SEMA6D: variants seen among roughly 807,000 people sequenced by gnomAD.
SEMA6D encodes the protein semaphorin 6D.
In SEMA6D, 35 loss-of-function variants were observed where a neutral mutation model predicts 106.6. That is an observed-to-expected ratio of 0.33 (90% CI 0.25 to 0.44). The LOEUF (loss-of-function observed/expected upper bound fraction) is 0.44, where lower values mean the gene tolerates loss of function less well. Ranked by LOEUF, SEMA6D falls within the 20% of genes least tolerant of loss-of-function variation. The pLI, the probability that SEMA6D is intolerant of heterozygous loss-of-function variation, is 1.00. For synonymous variants in SEMA6D, 499 were observed against 487.7 expected (o/e 1.02, Z -0.31); for missense variants, 1,185 against 1,345.9 (o/e 0.88, Z 1.87).
chr15:47,704,989 T>C (rs559631849), intron 4 of SEMA6D, among the ~76,000 whole-genome samples: 1 of 152,206 alleles, frequency 6.6e-6, no homozygotes, highest in Non-Finnish European at 1.5e-5. Context: ...AAAAATACAT[T>C]CACTTTTCTG....
chr15:47,595,975 C>A (rs1401773255), intron 3 of SEMA6D, among the ~76,000 whole-genome samples: 1 of 151,850 alleles, frequency 6.6e-6, no homozygotes, highest in Non-Finnish European at 1.5e-5. Flanking sequence ...AAATAAAAGG[C>A]ATCTAAGTAA....
At chr15:47,526,421 G>C (rs561351989) in intron 3 of SEMA6D, among the ~76,000 whole-genome samples, 5 of 152,174 alleles carry the variant, frequency 3.3e-5, no homozygotes, top group Non-Finnish European at 7.3e-5. Context: ...ATTGGTAAAA[G>C]GCTAGTTTTA....
intron 4 of SEMA6D, among the ~76,000 whole-genome samples, chr15:47,629,571 T>C (rs1038564799): frequency 1.3e-5 from 2 of 151,976 alleles, no homozygotes; most frequent in Admixed American, 1.3e-4. Context: ...CATTTTTACA[T>C]GTCAATATAA....
intron 1 of SEMA6D, among the ~76,000 whole-genome samples, chr15:47,366,323 C>T (rs1400469421): frequency 6.6e-6 from 1 of 152,150 alleles, no homozygotes; most frequent in African/African-American, 2.4e-5. Context: ...AAGGGTGGCA[C>T]CTTCTGGAGT....
At chr15:47,254,883 G>T (rs1309227071) in intron 1 of SEMA6D, among the ~76,000 whole-genome samples, 2 of 149,278 alleles carry the variant, frequency 1.3e-5, no homozygotes, top group African/African-American at 4.9e-5. Flanking sequence ...TTTTGTGTGT[G>T]TGTGTGTGTG....
intron 3 of SEMA6D, among the ~76,000 whole-genome samples, chr15:47,560,624 AAAAGT>A (rs566350015): frequency 6.6e-6 from 1 of 152,250 alleles, no homozygotes; most frequent in Non-Finnish European, 1.5e-5. Context: ...GAGGGGAAAA[AAAAGT>A]AAAGGGGGAA....
intron 3 of SEMA6D, among the ~76,000 whole-genome samples, chr15:47,575,164 TC>T (rs1358093270): frequency 7.9e-5 from 12 of 152,188 alleles, no homozygotes; most frequent in Non-Finnish European, 2.9e-5. Flanking sequence ...ATTAATCGCA[TC>T]AATTATGTAG....
At chr15:47,527,120 G>C (rs2142011207) in intron 3 of SEMA6D, among the ~76,000 whole-genome samples, 1 of 152,236 alleles carries the variant, frequency 6.6e-6, no homozygotes, top group African/African-American at 2.4e-5. Context: ...ATCTCCATGA[G>C]GAGTGTTTGC....
At chr15:47,298,655 G>T (rs1248041125) in intron 1 of SEMA6D, among the ~76,000 whole-genome samples, 1 of 152,130 alleles carries the variant, frequency 6.6e-6, no homozygotes. Context: ...CCAGCAGGCT[G>T]CAGGGGTGGT....
At chr15:47,198,154 G>C (rs1362523920) in intron 1 of SEMA6D, among the ~76,000 whole-genome samples, 3 of 152,102 alleles carry the variant, frequency 2.0e-5, no homozygotes, top group Admixed American at 2.0e-4. Context: ...CATAGATGTG[G>C]AGAGTAGGAT....
At chr15:47,231,918 C>G (rs2032221613) in intron 1 of SEMA6D, among the ~76,000 whole-genome samples, 1 of 151,852 alleles carries the variant, frequency 6.6e-6, no homozygotes, top group Admixed American at 6.6e-5. Flanking sequence ...TTAGTACATT[C>G]AAAATATTGT....
At chr15:47,309,222 A>G (rs1229101531) in intron 1 of SEMA6D, among the ~76,000 whole-genome samples, 1 of 152,210 alleles carries the variant, frequency 6.6e-6, no homozygotes, top group Non-Finnish European at 1.5e-5. Flanking sequence ...GAAATATTAA[A>G]TGGAAATTCC....
At chr15:47,693,413 G>A (rs1393543095) in intron 4 of SEMA6D, among the ~76,000 whole-genome samples, 1 of 151,544 alleles carries the variant, frequency 6.6e-6, no homozygotes, top group African/African-American at 2.4e-5. Flanking sequence ...ACCAGCCCTA[G>A]CAAACTAATA....
At chr15:47,693,338 C>A (rs1247697379) in intron 4 of SEMA6D, among the ~76,000 whole-genome samples, 1 of 152,098 alleles carries the variant, frequency 6.6e-6, no homozygotes, top group African/African-American at 2.4e-5. Context: ...GGACTTCTGG[C>A]CCCTAGAACT....
intron 1 of SEMA6D, among the ~76,000 whole-genome samples, chr15:47,332,894 G>A (rs192848277): frequency 2.1e-3 from 321 of 152,224 alleles, no homozygotes; most frequent in Non-Finnish European, 3.7e-3. Context: ...AGCCACAGGC[G>A]CAAGTAGACA....
chr15:47,677,002 A>G (rs970451094), intron 4 of SEMA6D, among the ~76,000 whole-genome samples: 29 of 152,086 alleles, frequency 1.9e-4, no homozygotes, highest in Non-Finnish European at 2.9e-5. Flanking sequence ...TCATAAGGAG[A>G]GTACAACCTA....
At chr15:47,229,362 T>A (rs1405430426) in intron 1 of SEMA6D, among the ~76,000 whole-genome samples, 2 of 152,026 alleles carry the variant, frequency 1.3e-5, no homozygotes, top group African/African-American at 4.8e-5. Flanking sequence ...TGTGGTGTGC[T>A]ATGCTTTTAG....
At chr15:47,524,713 A>G (rs1219209066) in intron 3 of SEMA6D, among the ~76,000 whole-genome samples, 1 of 152,196 alleles carries the variant, frequency 6.6e-6, no homozygotes, top group Non-Finnish European at 1.5e-5. Context: ...CATGTTTAGC[A>G]TTATCCTTGG....
rs187186775 is a variant in SEMA6D, at chr15:47,225,273, C to A, written c.-239+40855C>A. Reference sequence around the variant, plus strand: ...TGGCTGTATCATTTTGTGTTTGCACCAATGAATGAGAATTCCTGTTGCTCT... The same window carrying A: ...TGGCTGTATCATTTTGTGTTTGCACAAATGAATGAGAATTCCTGTTGCTCT... On this transcript the variant is annotated intron_variant, in intron 1 of 19. Coordinates refer to the SEMA6D transcript ENST00000558014. Among the ~76,000 whole-genome samples, 568 of 152,042 alleles carry A rather than the reference C, an allele frequency of 3.7e-3. 6 individuals are homozygous for A. Among genetic ancestry groups the A allele is most frequent in the African/African-American group, 0.013 (541 of 41,502 alleles).
Sources: gnomAD v4.1 joint callset for allele counts (sites outside exome capture counted in the v4.1 genomes callset) on GRCh38, gnomAD v4.1.1 for gene constraint, MANE v1.5 for transcripts, NCBI Gene and HGNC (gene_info 2026-07-23, HGNC 2026-07-21) for gene names.